The following KIAA2012 variants were observed in gnomAD, a reference collection of about 807,000 sequenced individuals.
KIAA2012 encodes uncharacterized protein KIAA2012.
Under a neutral mutation model 150.6 loss-of-function variants are expected in KIAA2012, and 125 were observed. The ratio of observed to expected loss-of-function variants is 0.83; its 90% CI spans 0.72 to 0.96. The LOEUF (loss-of-function observed/expected upper bound fraction) is 0.96. Ranked by LOEUF, KIAA2012 falls within the 40% of genes least tolerant of loss-of-function variation. The pLI is 0.00. For missense variants in KIAA2012, 1,219 were observed against 1,354.9 expected (o/e 0.90, Z 1.57); for synonymous variants, 462 against 504.7 (o/e 0.92, Z 1.13).
chr2:202,187,878 T>C (rs750385675), intron 17 of KIAA2012, among the ~76,000 whole-genome samples: 2 of 152,240 alleles, frequency 1.3e-5, no homozygotes, highest in Non-Finnish European at 1.5e-5. Context: ...CTGTGAATCA[T>C]GATTTAGAAT....
chr2:202,202,363 G>A (rs1164453231), intron 22 of KIAA2012, 66 bp from the exon 23 acceptor site: 1 of 401,064 alleles, frequency 2.5e-6, no homozygotes, highest in East Asian at 3.6e-5. Flanking sequence ...TATCTTGCTG[G>A]CTTATAAGGA....
intron 4 of KIAA2012, among the ~76,000 whole-genome samples, chr2:202,093,495 A>C (rs1156466593): frequency 3.9e-5 from 6 of 152,208 alleles, no homozygotes; most frequent in Admixed American, 1.3e-4. Flanking sequence ...CTAAATAACC[A>C]CATGCAGCTG....
rs554179441 is a variant in KIAA2012 at position 202,105,836 on chromosome 2, C to T, written c.1400C>T (p.Ala467Val). Residue 467 changes from alanine (A) to valine (V), a missense_variant, in exon 9 of 24, where the codon GCG becomes GTG. By Grantham distance (64) the Ala-to-Val change is moderately conservative. Transcript: ENST00000498697. ...TPVWRPPLKH[A>V]SLETPWELTV... ...GTGTGGAGACCTCCCCTGAAGCATGCGTCCTTAGAAACACCATGGGAGTTA... is the reference window on the plus strand; with the variant it reads ...GTGTGGAGACCTCCCCTGAAGCATGTGTCCTTAGAAACACCATGGGAGTTA... 2.6e-5 allele frequency: 41 copies of T among 1,550,620 alleles called. No homozygotes were observed. The highest frequency in any genetic ancestry group is 3.3e-4 in the Middle Eastern group (2 of 6,018).
chr2:202,082,213 G>A (rs10175506), intron 2 of KIAA2012, among the ~76,000 whole-genome samples: 71,679 of 151,902 alleles, frequency 0.47, 18,026 homozygotes, highest in Non-Finnish European at 0.56. Flanking sequence ...TAGATATTCT[G>A]AATAATTGGT....
At chr2:202,077,182 C>T (rs887903515) in intron 2 of KIAA2012, 19 of 382,284 alleles carry the variant, frequency 5.0e-5, no homozygotes, top group Admixed American at 1.9e-4. Flanking sequence ...AATGTTGCCC[C>T]CCCAGCTGTT....
In KIAA2012 at chr2:202,099,674, C is replaced by G. The variant is rs1242613988; in HGVS notation, c.890C>G (p.Thr297Arg). 1 of 1,550,448 alleles carries G rather than the reference C, an allele frequency of 6.4e-7. No individual in the cohort carries two copies. Among genetic ancestry groups the G allele is most frequent in the Non-Finnish European group, 8.7e-7 (1 of 1,146,906 alleles). Residue 297 changes from threonine to arginine, a missense_variant, in exon 6 of 24, where the codon ACA (threonine) becomes AGA (arginine). By Grantham distance (71) the Thr-to-Arg change is moderately conservative. Transcript: ENST00000498697. ...YASKESYNEK[T>R]QQTSRKAFGH... is the part of the protein sequence containing the mutation. Reference sequence around the variant, plus strand: ...TCAAAGGAGAGCTACAATGAAAAGACACAGCAAACCTCCAGGAAGGCCTTT... The same window carrying G: ...TCAAAGGAGAGCTACAATGAAAAGAGACAGCAAACCTCCAGGAAGGCCTTT...
intron 21 of KIAA2012, among the ~76,000 whole-genome samples, chr2:202,194,793 G>A (rs762399623): frequency 2.6e-4 from 39 of 151,950 alleles, no homozygotes; most frequent in Non-Finnish European, 1.0e-4. Flanking sequence ...TTTTGAGTCC[G>A]AGTCTCACAC....
At chr2:202,196,431 G>A (rs1161585655) in intron 21 of KIAA2012, among the ~76,000 whole-genome samples, 4 of 151,538 alleles carry the variant, frequency 2.6e-5, no homozygotes, top group Admixed American at 1.3e-4. Flanking sequence ...TCCTGACCTC[G>A]TGATCCGCCC....
chr2:202,156,424 A>G (rs1251439855), intron 14 of KIAA2012, among the ~76,000 whole-genome samples: 2 of 152,146 alleles, frequency 1.3e-5, no homozygotes, highest in Admixed American at 6.5e-5. Context: ...TTCATTAACC[A>G]ATATTTGAGC....
intron 13 of KIAA2012, among the ~76,000 whole-genome samples, chr2:202,145,073 C>G (rs1476980573): frequency 6.6e-6 from 1 of 152,150 alleles, no homozygotes; most frequent in Non-Finnish European, 1.5e-5. Context: ...TTGGAGATCT[C>G]TCTGAGGCTG....
intron 12 of KIAA2012, among the ~76,000 whole-genome samples, chr2:202,128,453 G>C (rs1221658946): frequency 1.4e-5 from 2 of 144,612 alleles, no homozygotes; most frequent in African/African-American, 5.2e-5. Context: ...TTTTTTTTTG[G>C]TAGAGATGGG....
intron 15 of KIAA2012, among the ~76,000 whole-genome samples, chr2:202,176,218 G>A (rs1277921996): frequency 8.0e-6 from 1 of 124,350 alleles, no homozygotes; most frequent in Non-Finnish European, 1.7e-5. Context: ...TTTTTTTTTT[G>A]GGACGGAGTC....
At position 202,093,119 on chromosome 2, in the gene KIAA2012, C is replaced by G. The variant is rs1398560396; in HGVS notation, c.619C>G (p.Pro207Ala). The change falls in exon 4 of 24, where the codon CCA becomes GCA. Residue 207 changes from proline (P) to alanine (A), a missense_variant. By Grantham distance (27) the Pro-to-Ala change is conservative. Transcript: ENST00000498697. Reference protein sequence around the residue: ...RPQQDLSGVPPKYHLLPVFPS... With the variant: ...RPQQDLSGVPAKYHLLPVFPS... ...ACAACAAGATCTTTCAGGTGTACCC[C>G]CAAAATACCATCTCCTGCCTGTCTT... 1.3e-6 allele frequency: 2 copies of G among 1,551,084 alleles called. No individual in the cohort carries two copies. The highest frequency in any genetic ancestry group is 1.2e-5 in the South Asian group (1 of 84,062).
chr2:202,163,014 C>T (rs1691689624), intron 14 of KIAA2012, among the ~76,000 whole-genome samples: 1 of 150,946 alleles, frequency 6.6e-6, no homozygotes. Flanking sequence ...ATTTATTTAA[C>T]TAGTCCTCAA....
Position 202,073,671 on chromosome 2 carries a change from G to A in KIAA2012, c.44G>A (p.Gly15Asp). 3 of 1,550,408 alleles carry A rather than the reference G, an allele frequency of 1.9e-6. No individual in the cohort carries two copies. Among genetic ancestry groups the A allele is most frequent in the East Asian group, 4.9e-5 (2 of 40,902 alleles). Residue 15 changes from glycine to aspartate, a missense_variant, in exon 1 of 24, where the codon GGC (glycine) becomes GAC (aspartate). By Grantham distance (94) the Gly-to-Asp change is moderately conservative. Coordinates refer to ENST00000498697, the MANE Select transcript of KIAA2012 (RefSeq NM_001277372.4). ...CTGAGCCGGGGCCACGGGAAGCTGG[G>A]CCAGGACAAACAGAAGTTAGAAGTC... The part of the protein sequence containing the change: ...SLLSRGHGKL[G>D]QDKQKLEVYF...
intron 9 of KIAA2012, chr2:202,106,143 A>T: frequency 8.2e-7 from 1 of 1,214,094 alleles, no homozygotes; most frequent in African/African-American, 1.5e-5. Flanking sequence ...TCCCACTGCT[A>T]ATATTTTAAC....
At chr2:202,118,213 C>T (rs1426428020) in intron 11 of KIAA2012, among the ~76,000 whole-genome samples, 3 of 151,958 alleles carry the variant, frequency 2.0e-5, no homozygotes, top group Non-Finnish European at 4.4e-5. Flanking sequence ...GTACACTGCC[C>T]CTTGTGCCTT....
chr2:202,137,276 T>A (rs567386756), intron 12 of KIAA2012: 2 of 152,002 alleles, frequency 1.3e-5, no homozygotes, highest in South Asian at 4.2e-4. Flanking sequence ...TAGCTAAATC[T>A]ATTCCTCAAA....
At chr2:202,131,732 G>A (rs1690933855) in intron 12 of KIAA2012, among the ~76,000 whole-genome samples, 1 of 152,174 alleles carries the variant, frequency 6.6e-6, no homozygotes, top group Admixed American at 6.5e-5. Context: ...TGCTCTAGGA[G>A]AAAGGACAAT....
Sources: allele counts gnomAD v4.1 joint callset (sites outside exome capture counted in the v4.1 genomes callset), GRCh38; gene constraint gnomAD v4.1.1; transcripts MANE v1.5; gene names NCBI Gene and HGNC (gene_info 2026-07-23, HGNC 2026-07-21).